Variants in RASAL2 observed in about 807,000 individuals in gnomAD.
The protein encoded by RASAL2 is RAS protein activator like 2.
RASAL2 carries 58 observed loss-of-function variants against 128.9 expected under a neutral mutation model. The observed-to-expected ratio is 0.45, with a 90% CI of 0.36 to 0.56. RASAL2 has a LOEUF of 0.56. Among genes scored for constraint, RASAL2 ranks in the 20% least tolerant of loss-of-function variants. The probability of loss-of-function intolerance (pLI) is 0.00; values close to 1 mark genes in which losing one functional copy is unlikely to be tolerated. For missense variants in RASAL2, 1,360 were observed against 1,601.6 expected (o/e 0.85, Z 2.57); for synonymous variants, 561 against 580.8 (o/e 0.97, Z 0.49).
chr1:178,355,068 G>A (rs956906128), intron 3 of RASAL2, among the ~76,000 whole-genome samples: 15 of 152,154 alleles, frequency 9.9e-5, no homozygotes, highest in East Asian at 3.9e-4. Flanking sequence ...AGATTGCAGC[G>A]AGCTGTGATC....
chr1:178,321,382 C>T (rs980067251), intron 3 of RASAL2, among the ~76,000 whole-genome samples: 3 of 151,992 alleles, frequency 2.0e-5, no homozygotes, highest in African/African-American at 4.8e-5. Context: ...CACCGCGCCC[C>T]GCCTCAATAA....
chr1:178,145,402 C>T (rs1660697899), intron 1 of RASAL2, among the ~76,000 whole-genome samples: 2 of 151,694 alleles, frequency 1.3e-5, no homozygotes, highest in South Asian at 2.1e-4. Context: ...GAGTATTTCT[C>T]TTAAAGTTAA....
intron 1 of RASAL2, among the ~76,000 whole-genome samples, chr1:178,144,182 C>T (rs548217533): frequency 1.3e-5 from 2 of 152,132 alleles, no homozygotes; most frequent in Non-Finnish European, 2.9e-5. Flanking sequence ...TGTCCTCCTA[C>T]TTAACCTCTC....
chr1:178,389,804 A>G (rs1177948015), intron 3 of RASAL2, among the ~76,000 whole-genome samples: 1 of 152,256 alleles, frequency 6.6e-6, no homozygotes, highest in Non-Finnish European at 1.5e-5. Context: ...ATACTGTGAG[A>G]TGCAACTATT....
intron 2 of RASAL2, among the ~76,000 whole-genome samples, chr1:178,290,984 T>C (rs1026912454): frequency 3.3e-5 from 5 of 152,232 alleles, no homozygotes; most frequent in African/African-American, 1.2e-4. Context: ...CCAAGTTTAG[T>C]TTTTAATTGT....
At chr1:178,210,102 T>G (rs1663202864) in intron 1 of RASAL2, among the ~76,000 whole-genome samples, 1 of 152,108 alleles carries the variant, frequency 6.6e-6, no homozygotes, top group South Asian at 2.1e-4. Flanking sequence ...TTTTTCATGT[T>G]TTTGTCTTTT....
At chr1:178,356,571 C>G (rs1670823510) in intron 3 of RASAL2, among the ~76,000 whole-genome samples, 2 of 151,990 alleles carry the variant, frequency 1.3e-5, no homozygotes, top group Non-Finnish European at 2.9e-5. Flanking sequence ...TTTAGTAAAT[C>G]AAACTAAAAA....
chr1:178,115,293 C>T (rs1296407244), intron 1 of RASAL2, among the ~76,000 whole-genome samples: 1 of 152,128 alleles, frequency 6.6e-6, no homozygotes, highest in Non-Finnish European at 1.5e-5. Flanking sequence ...ATAATATTTC[C>T]TTATCTTAGA....
intron 1 of RASAL2, among the ~76,000 whole-genome samples, chr1:178,129,675 C>T (rs1376157718): frequency 1.3e-5 from 2 of 151,158 alleles, no homozygotes; most frequent in Admixed American, 6.6e-5. Flanking sequence ...AGGTCATGAA[C>T]ATTTTTTTTT....
At chr1:178,447,490 A>C (rs1267407858) in intron 9 of RASAL2, among the ~76,000 whole-genome samples, 2 of 151,144 alleles carry the variant, frequency 1.3e-5, no homozygotes, top group African/African-American at 4.9e-5. Context: ...CCTGGCCAAC[A>C]TGCTGAAACC....
At chr1:178,146,940 A>G (rs920979590) in intron 1 of RASAL2, among the ~76,000 whole-genome samples, 3 of 152,228 alleles carry the variant, frequency 2.0e-5, no homozygotes, top group Admixed American at 6.5e-5. Context: ...GTGAATGCCA[A>G]AATTACTTAA....
At chr1:178,283,374 A>G (rs1273454667) in intron 1 of RASAL2, among the ~76,000 whole-genome samples, 190 bp from the exon 2 acceptor site, 1 of 152,134 alleles carries the variant, frequency 6.6e-6, no homozygotes, top group African/African-American at 2.4e-5. Context: ...TCTGAAGGTC[A>G]TAGGGCTATT....
rs997529884 is a variant in RASAL2 at position 178,476,466 on chromosome 1, C to T, written c.*3227C>T. 6.6e-6 allele frequency: 1 copy of T among 152,130 alleles called. No homozygotes were observed. The highest frequency in any genetic ancestry group is 6.5e-5 in the Admixed American group (1 of 15,278). 9.4% of individuals were successfully genotyped at this position (152,130 alleles called of 1,614,324 possible). On this transcript the variant is annotated 3_prime_UTR_variant, in exon 18 of 18. Transcript: ENST00000367649. ...ACTTGAGCACTTACCATGTTCCAAG[C>T]ACTATCACCAAGGTACTGTTGGGGT...
intron 1 of RASAL2, among the ~76,000 whole-genome samples, chr1:178,257,997 A>G (rs1665461825): frequency 6.6e-6 from 1 of 152,088 alleles, no homozygotes; most frequent in South Asian, 2.1e-4. Flanking sequence ...CGATACCATC[A>G]AGACAGTGAA....
At chr1:178,349,223 G>A (rs1343679851) in intron 3 of RASAL2, among the ~76,000 whole-genome samples, 7 of 147,500 alleles carry the variant, frequency 4.7e-5, no homozygotes, top group South Asian at 4.3e-4. Context: ...GATCGAGACC[G>A]TCCTGGCCAA....
chr1:178,321,457 T>C (rs2102336191), intron 3 of RASAL2, among the ~76,000 whole-genome samples: 1 of 152,298 alleles, frequency 6.6e-6, no homozygotes, highest in South Asian at 2.1e-4. Flanking sequence ...TACCCCCAAC[T>C]ATCAGAGATT....
intron 1 of RASAL2, among the ~76,000 whole-genome samples, chr1:178,109,663 G>T (rs1175759176): frequency 6.6e-6 from 1 of 152,026 alleles, no homozygotes; most frequent in African/African-American, 2.4e-5. Flanking sequence ...TTCTGTTTTG[G>T]CCAGTTTAGC....
intron 5 of RASAL2, among the ~76,000 whole-genome samples, chr1:178,438,953 CAA>C (rs1676447326): frequency 7.6e-6 from 1 of 131,326 alleles, no homozygotes; most frequent in African/African-American, 2.8e-5. Flanking sequence ...TAGAAAGAAA[CAA>C]AATGAAGATT....
intron 3 of RASAL2, among the ~76,000 whole-genome samples, chr1:178,385,286 C>G (rs563631999): frequency 1.3e-5 from 2 of 152,100 alleles, no homozygotes; most frequent in Admixed American, 6.5e-5. Flanking sequence ...AATACCCTTT[C>G]TAGAAACAGG....
Sources: gnomAD v4.1 joint callset for allele counts (sites outside exome capture counted in the v4.1 genomes callset) on GRCh38, gnomAD v4.1.1 for gene constraint, MANE v1.5 for transcripts, NCBI Gene and HGNC (gene_info 2026-07-23, HGNC 2026-07-21) for gene names.